The following HECTD4 variants were observed in gnomAD, a reference collection of about 807,000 sequenced individuals.
The protein encoded by HECTD4 is probable E3 ubiquitin-protein ligase HECTD4.
HECTD4 carries 114 observed loss-of-function variants against 471.5 expected under a neutral mutation model. The observed-to-expected ratio is 0.24, with a 90% CI of 0.21 to 0.28. The LOEUF (loss-of-function observed/expected upper bound fraction) is 0.28, where lower values mean the gene tolerates loss of function less well. Ranked by LOEUF, HECTD4 falls within the 10% of genes least tolerant of loss-of-function variation. The pLI, the probability that HECTD4 is intolerant of heterozygous loss-of-function variation, is 1.00. For missense variants in HECTD4, 3,866 were observed against 5,651.5 expected (o/e 0.68, Z 10.13); for synonymous variants, 2,012 against 2,256.0 (o/e 0.89, Z 3.07).
intron 62 of HECTD4, among the ~76,000 whole-genome samples, chr12:112,182,694 C>T (rs777587208): frequency 5.9e-5 from 9 of 152,256 alleles, no homozygotes; most frequent in Non-Finnish European, 1.0e-4. Flanking sequence ...TTGCAGGCGG[C>T]GCAAAGCCAC....
chr12:112,161,302 T>C lies in HECTD4; in HGVS notation c.*1085A>G, dbSNP rs1229200101. The C allele has an allele frequency of 6.6e-6, 1 of 152,134 alleles. No individual in the cohort carries two copies. Among genetic ancestry groups the C allele is most frequent in the African/African-American group, 2.4e-5 (1 of 41,412 alleles). 9.4% of individuals were successfully genotyped at this position (152,134 alleles called of 1,614,324 possible). The stretch of plus-strand genomic sequence containing the variant: ...GCAGCTCAGCCCTGGCATACACACT[T>C]ACATGGGGTGATGGGGAGTGCTGGG... On this transcript the variant is annotated 3_prime_UTR_variant, in exon 76 of 76. Coordinates refer to ENST00000682272, the MANE Select transcript of HECTD4 (RefSeq NM_001388303.1).
chr12:112,305,232 T>C (rs1039819097), intron 7 of HECTD4, among the ~76,000 whole-genome samples: 3 of 152,210 alleles, frequency 2.0e-5, no homozygotes, highest in Non-Finnish European at 4.4e-5. Context: ...GAAATTTAAA[T>C]AGCAACGTAT....
At chr12:112,236,851 G>C in intron 35 of HECTD4, 94 bp downstream of exon 35, 2 of 1,176,416 alleles carry the variant, frequency 1.7e-6, no homozygotes, top group East Asian at 5.5e-5. Flanking sequence ...TAGTAATTTA[G>C]CTATTTTGAA....
chr12:112,323,704 G>C (rs956436059), intron 1 of HECTD4, among the ~76,000 whole-genome samples: 6 of 151,480 alleles, frequency 4.0e-5, no homozygotes, highest in African/African-American at 1.5e-4. Flanking sequence ...GAGTTTTTTT[G>C]GGGGGGTTGA....
intron 64 of HECTD4, among the ~76,000 whole-genome samples, chr12:112,177,475 G>A (rs2031496391): frequency 6.6e-6 from 1 of 151,658 alleles, no homozygotes; most frequent in Non-Finnish European, 1.5e-5. Context: ...CGCCTCCCGG[G>A]CTCACGCCAT....
chr12:112,239,386 A>C lies in HECTD4; in HGVS notation c.5106-150T>G. On this transcript the variant is annotated intron_variant, in intron 33 of 75. Transcript: ENST00000682272. The surrounding 1 kb of genome is among the most constrained non-coding windows in gnomAD (Gnocchi z 4.9). ...GCCATGTGCAATCAAACACAAAATG[A>C]TTTTCTGATAATGATGATTCCCTTC... is the stretch of plus-strand genomic sequence containing the variant. 1.7e-6 allele frequency: 1 copy of C among 595,706 alleles called. No homozygotes were observed. Among genetic ancestry groups the C allele is most frequent in the Non-Finnish European group, 2.7e-6 (1 of 375,838 alleles). The allele number at this position is 595,706 out of a possible 1,614,324, so 36.9% of individuals were successfully genotyped here.
intron 1 of HECTD4, among the ~76,000 whole-genome samples, chr12:112,373,364 C>G (rs191042098): frequency 1.3e-5 from 2 of 151,906 alleles, no homozygotes; most frequent in East Asian, 1.9e-4. Context: ...GAAACCCCGT[C>G]TCTACTAAAA....
intron 9 of HECTD4, among the ~76,000 whole-genome samples, chr12:112,278,252 G>A (rs1314660761): frequency 6.6e-6 from 1 of 151,980 alleles, no homozygotes. Flanking sequence ...TTGGGGTGAC[G>A]GATAGATTAG....
intron 7 of HECTD4, among the ~76,000 whole-genome samples, chr12:112,291,706 A>G (rs1002498925): frequency 5.9e-5 from 9 of 152,136 alleles, no homozygotes; most frequent in Non-Finnish European, 1.0e-4. Flanking sequence ...CCCCGTCTCT[A>G]CTAAAAATAC....
chr12:112,185,552 G>A (rs1208733004), intron 60 of HECTD4, 59 bp from the exon 61 acceptor site: 4 of 1,294,442 alleles, frequency 3.1e-6, no homozygotes, highest in Admixed American at 2.5e-5. Flanking sequence ...TGTTCCAGGC[G>A]CAGTTCTGAG....
intron 70 of HECTD4, 22 bp from the exon 71 acceptor site, chr12:112,167,939 T>C: frequency 2.5e-6 from 4 of 1,589,282 alleles, no homozygotes; most frequent in African/African-American, 1.3e-5. Flanking sequence ...ACGAGACACA[T>C]GGGCACCTGG....
At chr12:112,296,996 T>C (rs1196140438) in intron 7 of HECTD4, among the ~76,000 whole-genome samples, 1 of 92,484 alleles carries the variant, frequency 1.1e-5, no homozygotes, top group African/African-American at 4.5e-5. Flanking sequence ...TAGGTGCAGA[T>C]GGTGTAGGTG....
intron 1 of HECTD4, among the ~76,000 whole-genome samples, chr12:112,352,062 T>C (rs2036255167): frequency 6.6e-6 from 1 of 152,248 alleles, no homozygotes; most frequent in South Asian, 2.1e-4. Flanking sequence ...TATGCAGTTA[T>C]AGGGAAACTA....
At chr12:112,351,306 G>A (rs745501589) in intron 1 of HECTD4, among the ~76,000 whole-genome samples, 5 of 152,192 alleles carry the variant, frequency 3.3e-5, no homozygotes, top group Non-Finnish European at 5.9e-5. Flanking sequence ...TCATGATCGC[G>A]TCAGAAGTGG....
chr12:112,162,629 A>AGGATTGGCTTGGGGCT lies in HECTD4; in HGVS notation c.13121-107_13121-106insAGCCCCAAGCCAATCC. ...CAGGTTTGCCTCCTTGGGTAGCCCC[A>AGGATTGGCTTGGGGCT]AGCCAATCCTGGGGCCCAGCAGGAG... On this transcript the variant is annotated intron_variant, in intron 75 of 75. Coordinates refer to ENST00000682272, the MANE Select transcript of HECTD4 (RefSeq NM_001388303.1). The surrounding 1 kb of genome is among the most constrained non-coding windows in gnomAD (Gnocchi z 5.2). 1 of 1,382,628 alleles carries AGGATTGGCTTGGGGCT rather than the reference A, an allele frequency of 7.2e-7. No individual in the cohort carries two copies. The allele number at this position is 1,382,628 out of a possible 1,614,324, so 85.6% of individuals were successfully genotyped here.
Position 112,313,479 on chromosome 12 carries a change from T to TA in HECTD4, c.786-333dup, listed in dbSNP as rs1399126932. Among the ~76,000 whole-genome samples, 13 of 139,668 alleles carry TA rather than the reference T, an allele frequency of 9.3e-5. No individual in the cohort carries two copies. In the East Asian group the frequency reaches 3.1e-3, roughly 33 times the overall value. 91.6% of individuals were successfully genotyped at this position (139,668 alleles called of 152,430 possible). On this transcript the variant is annotated intron_variant, in intron 3 of 75. Transcript: ENST00000682272. ...ACAGTCACCTGCCACAATGCCCGGC[T>TA]AATTTTTTTTTTTTTTTTTTTTTTT...
intron 72 of HECTD4, 117 bp downstream of exon 72, chr12:112,167,200 C>T: frequency 1.2e-6 from 1 of 865,896 alleles, no homozygotes; most frequent in Non-Finnish European, 1.8e-6. Flanking sequence ...CCCCTAAGGT[C>T]CTCTGTGGGA....
intron 70 of HECTD4, among the ~76,000 whole-genome samples, chr12:112,168,867 C>G (rs568205288): frequency 4.6e-5 from 7 of 152,310 alleles, no homozygotes; most frequent in South Asian, 2.1e-4. Flanking sequence ...GAGTTGCTCT[C>G]AGAGAGGCCT....
At chr12:112,175,371 C>G (rs1258518830) in intron 66 of HECTD4, among the ~76,000 whole-genome samples, 2 of 152,204 alleles carry the variant, frequency 1.3e-5, no homozygotes, top group Non-Finnish European at 1.5e-5. Flanking sequence ...AGGTGGCAGT[C>G]TGGGAGCCAA....
Sources: allele counts gnomAD v4.1 joint callset (sites outside exome capture counted in the v4.1 genomes callset), GRCh38; gene constraint gnomAD v4.1.1; non-coding constraint Gnocchi (gnomAD v3.1); transcripts MANE v1.5; gene names NCBI Gene and HGNC (gene_info 2026-07-23, HGNC 2026-07-21).